PAWR: variants seen among roughly 807,000 people sequenced by gnomAD.
PAWR encodes PRKC apoptosis WT1 regulator protein.
A neutral mutation model predicts 32.0 loss-of-function variants in PAWR; 23 were observed. The ratio of observed to expected loss-of-function variants is 0.72; its 90% CI spans 0.52 to 1.02. The LOEUF (loss-of-function observed/expected upper bound fraction) is 1.02, where lower values mean the gene tolerates loss of function less well. PAWR is among the 50% of genes least tolerant of loss of function. PAWR has a pLI of 0.00. For missense variants in PAWR, 457 were observed against 437.7 expected (o/e 1.04, Z -0.39); for synonymous variants, 226 against 187.1 (o/e 1.21, Z -1.70).
At chr12:79,666,838 A>G (rs1280517971) in intron 2 of PAWR, among the ~76,000 whole-genome samples, 1 of 152,206 alleles carries the variant, frequency 6.6e-6, no homozygotes, top group Non-Finnish European at 1.5e-5. Context: ...ACACATAAAC[A>G]AAAACCCTTT....
chr12:79,626,279 A>G (rs1051088117), intron 2 of PAWR, among the ~76,000 whole-genome samples: 15 of 144,620 alleles, frequency 1.0e-4, no homozygotes, highest in African/African-American at 3.5e-4. Flanking sequence ...TTTTTTTTTG[A>G]GATGGGGTCT....
intron 2 of PAWR, among the ~76,000 whole-genome samples, chr12:79,660,682 C>G (rs1383625554): frequency 6.7e-6 from 1 of 150,218 alleles, no homozygotes; most frequent in African/African-American, 2.5e-5. Context: ...CTCCCGGGTT[C>G]AAGTGATTCT....
chr12:79,624,631 A>G (rs551849513), intron 2 of PAWR, among the ~76,000 whole-genome samples: 78 of 152,330 alleles, frequency 5.1e-4, no homozygotes, highest in Non-Finnish European at 5.0e-4. Context: ...TTCTTTTGAT[A>G]ACAAGCATCC....
At chr12:79,614,252 C>T (rs541855209) in intron 3 of PAWR, among the ~76,000 whole-genome samples, 1 of 151,066 alleles carries the variant, frequency 6.6e-6, no homozygotes, top group African/African-American at 2.4e-5. Flanking sequence ...TCGGGTGATC[C>T]GTCCACCTCA....
chr12:79,661,702 C>T (rs1877359221), intron 2 of PAWR, among the ~76,000 whole-genome samples: 1 of 152,090 alleles, frequency 6.6e-6, no homozygotes, highest in East Asian at 1.9e-4. Flanking sequence ...GACCAAAGCC[C>T]TCTCCCTACA....
At chr12:79,615,332 T>C (rs1032498237) in intron 3 of PAWR, among the ~76,000 whole-genome samples, 3 of 152,262 alleles carry the variant, frequency 2.0e-5, no homozygotes, top group Admixed American at 1.3e-4. Flanking sequence ...TAAATATATA[T>C]TGACAACTTA....
At position 79,689,777 on chromosome 12, in the gene PAWR, C is replaced by T. The variant is rs1171434182; in HGVS notation, c.468G>A (p.Leu156=). 1 of 1,590,322 alleles carries T rather than the reference C, an allele frequency of 6.3e-7. No individual in the cohort carries two copies. The highest frequency in any genetic ancestry group is 8.5e-7 in the Non-Finnish European group (1 of 1,169,620). Residue 156 remains leucine (L), a synonymous_variant, in exon 2 of 7, where the codon CTG becomes CTA. Coordinates refer to ENST00000328827, the MANE Select transcript of PAWR (RefSeq NM_002583.4). ...KGKGQIEKRK[L]REKRRSTGVV... The stretch of plus-strand genomic sequence containing the variant: ...CGCCGGTGGAGCGCCGCTTCTCCCG[C>T]AGCTTCCTCTTCTCGATCTGCCCCT...
rs147638873 is a variant in PAWR, at chr12:79,621,109, G to A, written c.615C>T (p.Asn205=). 8.0e-5 allele frequency: 128 copies of A among 1,608,548 alleles called. 1 individual carries two copies. The African/African-American group carries it at 1.6e-3, about 20-fold the overall frequency. The change falls in exon 3 of 7, where the codon AAC becomes AAT. Residue 205 remains asparagine (N), a synonymous_variant. Coordinates refer to ENST00000328827, the MANE Select transcript of PAWR (RefSeq NM_002583.4). ...GATAGGAACTGCCTGGATCTAGTAAGTTTACAGCTTCATTCTGAATAGTGT... is the reference window on the plus strand; with the variant it reads ...GATAGGAACTGCCTGGATCTAGTAAATTTACAGCTTCATTCTGAATAGTGT... ...QQNTIQNEAV[N]LLDPGSSYLL...
intron 2 of PAWR, among the ~76,000 whole-genome samples, chr12:79,634,001 A>C (rs924934034): frequency 2.0e-5 from 3 of 152,166 alleles, no homozygotes; most frequent in Non-Finnish European, 4.4e-5. Context: ...CATGAGTTGA[A>C]AATTATTGAA....
chr12:79,636,602 T>A (rs576020492), intron 2 of PAWR, among the ~76,000 whole-genome samples: 1 of 152,292 alleles, frequency 6.6e-6, no homozygotes, highest in African/African-American at 2.4e-5. Context: ...ATCTACTATC[T>A]AGTTCTTGAA....
rs1204746627 is a variant in PAWR at position 79,586,516 on chromosome 12, A to G, written c.*6091T>C. 6.6e-6 allele frequency: 1 copy of G among 152,224 alleles called. No individual in the cohort carries two copies. Among genetic ancestry groups the G allele is most frequent in the Non-Finnish European group, 1.5e-5 (1 of 68,020 alleles). 9.4% of individuals were successfully genotyped at this position (152,224 alleles called of 1,614,324 possible). On this transcript the variant is annotated 3_prime_UTR_variant, in exon 7 of 7. Transcript: ENST00000328827. ...TGGATAGAAGCCTCTAACAATGTAA[A>G]TATTGTGCATTTCAAGTTCCATAGT...
At chr12:79,630,858 CAAA>C (rs74262476) in intron 2 of PAWR, among the ~76,000 whole-genome samples, 3 of 105,442 alleles carry the variant, frequency 2.8e-5, no homozygotes, top group Non-Finnish European at 2.2e-5. Context: ...GTACCAAAAC[CAAA>C]AAAAAAAAAA....
chr12:79,606,112 A>G (rs1168360356), intron 4 of PAWR, among the ~76,000 whole-genome samples: 1 of 152,100 alleles, frequency 6.6e-6, no homozygotes, highest in Non-Finnish European at 1.5e-5. Context: ...AGAAAGCCAT[A>G]TACTATATGA....
chr12:79,640,269 A>G (rs187803543), intron 2 of PAWR, among the ~76,000 whole-genome samples: 199 of 152,050 alleles, frequency 1.3e-3, no homozygotes, highest in Non-Finnish European at 2.3e-3. Context: ...TTCCTTCCTT[A>G]GCAATCCCTT....
chr12:79,657,037 T>C (rs1877124726), intron 2 of PAWR, among the ~76,000 whole-genome samples: 1 of 152,000 alleles, frequency 6.6e-6, no homozygotes, highest in Non-Finnish European at 1.5e-5. Context: ...CTTACGCACA[T>C]GAGGAAATAC....
intron 2 of PAWR, among the ~76,000 whole-genome samples, chr12:79,670,739 A>G (rs1056529120): frequency 9.2e-5 from 14 of 152,298 alleles, no homozygotes; most frequent in African/African-American, 3.4e-4. Context: ...AATAAAAAAA[A>G]GGCTATCATA....
chr12:79,632,359 A>ATTTTTTTTTTTTTT (rs1875742890), intron 2 of PAWR, among the ~76,000 whole-genome samples: 1 of 17,184 alleles, frequency 5.8e-5, no homozygotes, highest in Non-Finnish European at 9.9e-5. Context: ...ATATATATAT[A>ATTTTTTTTTTTTTT]TATTTTTTTT....
intron 2 of PAWR, among the ~76,000 whole-genome samples, chr12:79,680,127 A>G (rs7294941): frequency 0.2 from 29,869 of 152,248 alleles, 7,765 homozygotes; most frequent in African/African-American, 0.59. Context: ...TGCCACTGAT[A>G]TGAACACATG....
chr12:79,670,988 C>T (rs1395956991), intron 2 of PAWR, among the ~76,000 whole-genome samples: 3 of 150,554 alleles, frequency 2.0e-5, no homozygotes, highest in Non-Finnish European at 4.4e-5. Context: ...GAAAACCTAG[C>T]TTAAAAAGGA....
Sources: gnomAD v4.1 joint callset for allele counts (sites outside exome capture counted in the v4.1 genomes callset) on GRCh38, gnomAD v4.1.1 for gene constraint, MANE v1.5 for transcripts, NCBI Gene and HGNC (gene_info 2026-07-23, HGNC 2026-07-21) for gene names.